PCDHA9: variants seen among roughly 807,000 people sequenced by gnomAD.
The protein encoded by PCDHA9 is protocadherin alpha-9.
PCDHA9 carries 62 observed loss-of-function variants against 62.0 expected under a neutral mutation model. The observed-to-expected ratio is 1.00, with a 90% CI of 0.81 to 1.23. The LOEUF (loss-of-function observed/expected upper bound fraction) is 1.23, where lower values mean the gene tolerates loss of function less well. PCDHA9 is among the 50% of genes most tolerant of loss of function. The pLI, the probability that PCDHA9 is intolerant of heterozygous loss-of-function variation, is 0.00. For synonymous variants in PCDHA9, 557 were observed against 567.6 expected (o/e 0.98, Z 0.27); for missense variants, 1,205 against 1,249.8 (o/e 0.96, Z 0.54).
At chr5:140,994,561 C>T (rs967006511) in intron 3 of PCDHA9, among the ~76,000 whole-genome samples, 2 of 151,800 alleles carry the variant, frequency 1.3e-5, no homozygotes, top group East Asian at 1.9e-4. Context: ...AAAAATTAGC[C>T]GGGTGTGGTG....
At chr5:140,998,977 ATAG>A (rs2097842205) in intron 3 of PCDHA9, among the ~76,000 whole-genome samples, 1 of 152,242 alleles carries the variant, frequency 6.6e-6, no homozygotes, top group African/African-American at 2.4e-5. Flanking sequence ...ATCCTAGAAA[ATAG>A]TAGAAAGCAG....
chr5:140,883,747 G>A (rs781812387), intron 1 of PCDHA9: 5 of 1,613,274 alleles, frequency 3.1e-6, no homozygotes, highest in South Asian at 2.2e-5. Context: ...TCTCCTACTC[G>A]CTGGTGGAGC....
intron 1 of PCDHA9, chr5:140,857,181 C>G (rs2044400350): frequency 6.3e-7 from 1 of 1,598,486 alleles, no homozygotes; most frequent in East Asian, 2.2e-5. Flanking sequence ...GACCATGATT[C>G]AGGAGCCAAC....
Position 140,969,468 on chromosome 5 carries a change from A to G in PCDHA9, c.2395-9481A>G, listed in dbSNP as rs1554231867. 18 of 1,486,304 alleles carry G rather than the reference A, an allele frequency of 1.2e-5. No individual in the cohort carries two copies. In the South Asian group the frequency reaches 2.5e-4, roughly 21 times the overall value. 92.1% of individuals were successfully genotyped at this position (1,486,304 alleles called of 1,614,324 possible). The stretch of plus-strand genomic sequence containing the variant: ...AAACTGAGTATATATAGTATCCACA[A>G]TTTGATCATAATCTGCTATTTCCTC... On this transcript the variant is annotated intron_variant, in intron 1 of 3. Transcript: ENST00000532602.
chr5:140,938,843 C>G (rs1232774282), intron 1 of PCDHA9, among the ~76,000 whole-genome samples: 1 of 152,130 alleles, frequency 6.6e-6, no homozygotes, highest in East Asian at 1.9e-4. Context: ...AACAAACCTG[C>G]CCATGTACCC....
intron 1 of PCDHA9, chr5:140,852,609 A>G (rs1581283750): frequency 2.1e-6 from 2 of 936,558 alleles, no homozygotes; most frequent in East Asian, 1.1e-4. Context: ...TTTTCTTTCA[A>G]AACTTGAGTG....
rs573174481 is a variant in PCDHA9 at position 140,990,482 on chromosome 5, T to C, written c.2542+7919T>C. Among the ~76,000 whole-genome samples, 3 of 152,318 alleles carry C rather than the reference T, an allele frequency of 2.0e-5. No homozygotes were observed. In the South Asian group the frequency reaches 6.2e-4, roughly 32 times the overall value. On this transcript the variant is annotated intron_variant, in intron 3 of 3. Transcript: ENST00000532602. ...AGGTGGTATCATGTATCAAGCTGAA[T>C]AGTGAGGTGACATTCCCCAAGTCTT... is the stretch of plus-strand genomic sequence containing the variant.
intron 1 of PCDHA9, chr5:140,966,656 G>A: frequency 8.3e-7 from 1 of 1,203,372 alleles, no homozygotes; most frequent in East Asian, 3.0e-5. Flanking sequence ...GTGAGCGGTG[G>A]GGGAGCAGGC....
chr5:140,989,842 G>A (rs1411244835), intron 3 of PCDHA9, among the ~76,000 whole-genome samples: 1 of 152,178 alleles, frequency 6.6e-6, no homozygotes, highest in Non-Finnish European at 1.5e-5. Context: ...GTCAATGAGT[G>A]TGTGGACTGG....
At chr5:140,978,851 C>T (rs2096826375) in intron 1 of PCDHA9, 98 bp from the exon 2 acceptor site, 2 of 1,578,528 alleles carry the variant, frequency 1.3e-6, no homozygotes, top group South Asian at 2.3e-5. Flanking sequence ...TTTTTAGATG[C>T]CTGGAAATAT....
chr5:140,884,019 C>G, intron 1 of PCDHA9: 1 of 1,613,216 alleles, frequency 6.2e-7, no homozygotes. Flanking sequence ...ATGCCGCGGT[C>G]GGTGGGTGCA....
chr5:140,946,611 AATATAT>A (rs1554217734), intron 1 of PCDHA9, among the ~76,000 whole-genome samples: 5 of 86,812 alleles, frequency 5.8e-5, no homozygotes, highest in African/African-American at 2.5e-4. Context: ...GAAAATGTGA[AATATAT>A]ATATATATAT....
At chr5:140,928,998 C>T (rs1448389331) in intron 1 of PCDHA9, 5 of 1,613,784 alleles carry the variant, frequency 3.1e-6, no homozygotes, top group Non-Finnish European at 4.2e-6. Flanking sequence ...TACTTTTCTT[C>T]GTGTGTACCA....
chr5:140,941,191 T>TTTTTTC (rs1554213809), intron 1 of PCDHA9, among the ~76,000 whole-genome samples: 1 of 93,206 alleles, frequency 1.1e-5, no homozygotes, highest in African/African-American at 3.9e-5. Context: ...GCTTCTTTTT[T>TTTTTTC]TTTCTTTCTT....
At chr5:140,875,761 G>C (rs373515339) in intron 1 of PCDHA9, 4 of 1,614,118 alleles carry the variant, frequency 2.5e-6, no homozygotes, top group East Asian at 4.5e-5. Context: ...GAAGCTGTGC[G>C]GGCGGAGCGC....
At position 140,858,590 on chromosome 5, in the gene PCDHA9, C is replaced by T. The variant is rs781927983; in HGVS notation, c.2394+7701C>T. 16 of 1,324,580 alleles carry T rather than the reference C, an allele frequency of 1.2e-5. No homozygotes were observed. In the South Asian group the frequency reaches 2.3e-4, roughly 19 times the overall value. The allele number at this position is 1,324,580 out of a possible 1,614,324, so 82.1% of individuals were successfully genotyped here. A position where few individuals can be genotyped will look rare whatever the true frequency, so the allele number is the denominator to read the frequency against. ...TGATACCTTTGTAATATAATTTATTCCAGGAGTTTTAAAATTTTTTTATCC... is the reference window on the plus strand; with the variant it reads ...TGATACCTTTGTAATATAATTTATTTCAGGAGTTTTAAAATTTTTTTATCC... On this transcript the variant is annotated intron_variant, in intron 1 of 3. Transcript: ENST00000532602.
At chr5:141,000,430 T>A (rs1295455270) in intron 3 of PCDHA9, among the ~76,000 whole-genome samples, 2 of 126,420 alleles carry the variant, frequency 1.6e-5, no homozygotes, top group African/African-American at 6.1e-5. Context: ...TATTTTTTTT[T>A]TTTTTTTTTT....
chr5:140,895,253 C>CT (rs1411327383), intron 1 of PCDHA9, among the ~76,000 whole-genome samples: 1 of 151,966 alleles, frequency 6.6e-6, no homozygotes. Context: ...TCAAAGCTTT[C>CT]TTTTTTTTCT....
At chr5:140,989,829 C>A (rs1554251113) in intron 3 of PCDHA9, among the ~76,000 whole-genome samples, 3 of 152,124 alleles carry the variant, frequency 2.0e-5, no homozygotes, top group Non-Finnish European at 2.9e-5. Context: ...TGCCAGGAAG[C>A]CTGTCAATGA....
Sources: allele counts gnomAD v4.1 joint callset (sites outside exome capture counted in the v4.1 genomes callset), GRCh38; gene constraint gnomAD v4.1.1; transcripts MANE v1.5; gene names NCBI Gene and HGNC (gene_info 2026-07-23, HGNC 2026-07-21).